RGS6: variants seen among roughly 807,000 people sequenced by gnomAD.
RGS6 encodes the protein regulator of G-protein signaling 6.
In RGS6, 30 loss-of-function variants were observed where a neutral mutation model predicts 78.5. The observed-to-expected ratio is 0.38, with a 90% CI of 0.29 to 0.52. The LOEUF (loss-of-function observed/expected upper bound fraction) is 0.52. Among genes scored for constraint, RGS6 ranks in the 20% least tolerant of loss-of-function variants. The probability of loss-of-function intolerance (pLI) is 0.85; values close to 1 mark genes in which losing one functional copy is unlikely to be tolerated. For missense variants in RGS6, 495 were observed against 609.7 expected (o/e 0.81, Z 1.98); for synonymous variants, 206 against 206.0 (o/e 1.00, Z 0.00).
chr14:72,471,110 T>C (rs1025780583), intron 8 of RGS6, among the ~76,000 whole-genome samples: 1 of 151,856 alleles, frequency 6.6e-6, no homozygotes, highest in African/African-American at 2.4e-5. Context: ...AGGGAGAGTC[T>C]GAACTTCTTC....
intron 2 of RGS6, among the ~76,000 whole-genome samples, chr14:72,025,623 C>A (rs918392708): frequency 1.3e-5 from 2 of 152,102 alleles, no homozygotes; most frequent in Non-Finnish European, 2.9e-5. Flanking sequence ...CAAGTCTGAT[C>A]ATCCTCTTTT....
At chr14:72,356,565 A>G (rs942879250) in intron 3 of RGS6, among the ~76,000 whole-genome samples, 2 of 152,184 alleles carry the variant, frequency 1.3e-5, no homozygotes, top group Non-Finnish European at 2.9e-5. Context: ...GGTAGATGAT[A>G]TGGTTTGGCC....
intron 2 of RGS6, among the ~76,000 whole-genome samples, chr14:72,229,383 C>T (rs919322504): frequency 2.6e-5 from 4 of 151,548 alleles, no homozygotes; most frequent in Non-Finnish European, 5.9e-5. Flanking sequence ...GGGAAAATCA[C>T]GTCTCTGGTG....
At chr14:71,876,695 TG>T in the RGS6 span, among the ~76,000 whole-genome samples, 6 of 152,120 alleles carry the variant, frequency 3.9e-5, no homozygotes, top group African/African-American at 1.2e-4. Flanking sequence ...AATATTGTTA[TG>T]TGTGAATTTG....
downstream of RGS6, among the ~76,000 whole-genome samples, chr14:72,569,190 G>T (rs536954435): frequency 6.6e-6 from 1 of 151,760 alleles, no homozygotes; most frequent in Admixed American, 6.6e-5. Flanking sequence ...AAAATTCACC[G>T]TTTTATATTA....
chr14:72,195,058 A>G (rs892657167), intron 2 of RGS6, among the ~76,000 whole-genome samples: 3 of 152,110 alleles, frequency 2.0e-5, no homozygotes, highest in Admixed American at 6.6e-5. Context: ...AAATACAAAA[A>G]TTAGCTAGGT....
At chr14:71,872,887 C>T in the RGS6 span, among the ~76,000 whole-genome samples, 35 of 152,228 alleles carry the variant, frequency 2.3e-4, no homozygotes, top group South Asian at 1.2e-3. Flanking sequence ...TGAGAACATG[C>T]GGTGTTTGGT....
At chr14:72,529,517 G>C (rs78854526) in intron 15 of RGS6, among the ~76,000 whole-genome samples, 3,217 of 152,164 alleles carry the variant, frequency 0.021, 108 homozygotes, top group African/African-American at 0.072. Context: ...AGATGAGAGT[G>C]GTGTCCAAAC....
chr14:72,070,632 C>T (rs2094374365), intron 2 of RGS6, among the ~76,000 whole-genome samples: 1 of 152,188 alleles, frequency 6.6e-6, no homozygotes, highest in Admixed American at 6.5e-5. Context: ...ACCCTGAATC[C>T]TGTGGGCAGG....
At chr14:72,330,479 T>G (rs1485966003) in intron 2 of RGS6, among the ~76,000 whole-genome samples, 1 of 152,156 alleles carries the variant, frequency 6.6e-6, no homozygotes, top group Non-Finnish European at 1.5e-5. Context: ...AATTGGAGAC[T>G]CAAGGAGGCC....
the RGS6 span, among the ~76,000 whole-genome samples, chr14:72,627,749 C>T: frequency 6.6e-6 from 1 of 152,192 alleles, no homozygotes; most frequent in African/African-American, 2.4e-5. Flanking sequence ...GAAGAACTGA[C>T]ATCTTTATAA....
chr14:71,930,070 C>T (rs1040473815), upstream of RGS6, among the ~76,000 whole-genome samples: 3 of 152,338 alleles, frequency 2.0e-5, no homozygotes, highest in Admixed American at 6.5e-5. Context: ...TAGGTGTGTT[C>T]ATTGCTACTG....
At chr14:72,526,778 A>T (rs1448209128) in intron 15 of RGS6, among the ~76,000 whole-genome samples, 3 of 152,228 alleles carry the variant, frequency 2.0e-5, no homozygotes, top group Non-Finnish European at 4.4e-5. Context: ...ACTTATGTGG[A>T]TGTCCATATT....
chr14:72,414,838 G>T (rs956085798), intron 3 of RGS6, among the ~76,000 whole-genome samples: 1 of 152,182 alleles, frequency 6.6e-6, no homozygotes, highest in Non-Finnish European at 1.5e-5. Flanking sequence ...GTTTACCTGC[G>T]TATCAGCAGT....
At chr14:72,280,263 G>A (rs1019468671) in intron 2 of RGS6, among the ~76,000 whole-genome samples, 8 of 152,090 alleles carry the variant, frequency 5.3e-5, no homozygotes, top group African/African-American at 1.7e-4. Flanking sequence ...CAGAAAAAGT[G>A]AATAGGTTTT....
At chr14:71,892,924 A>G in the RGS6 span, among the ~76,000 whole-genome samples, 15 of 152,228 alleles carry the variant, frequency 9.9e-5, no homozygotes, top group African/African-American at 3.6e-4. Flanking sequence ...CATGTGCTCT[A>G]TATGTAGATG....
intron 12 of RGS6, among the ~76,000 whole-genome samples, chr14:72,480,848 G>A (rs569377404): frequency 3.9e-5 from 6 of 152,236 alleles, no homozygotes; most frequent in Non-Finnish European, 8.8e-5. Context: ...CCAGGAAACC[G>A]CATCCCCCAG....
intron 3 of RGS6, among the ~76,000 whole-genome samples, chr14:72,438,498 C>G (rs2095043928): frequency 6.6e-6 from 1 of 152,178 alleles, no homozygotes; most frequent in African/African-American, 2.4e-5. Context: ...GGTGTCCTCC[C>G]CATCCTGTTT....
chr14:72,297,427 TTA>T (rs926030068), intron 2 of RGS6, among the ~76,000 whole-genome samples: 41 of 140,092 alleles, frequency 2.9e-4, no homozygotes, highest in African/African-American at 1.0e-3. Flanking sequence ...ATTATTATTA[TTA>T]TTTTTTTTTT....
Sources: gnomAD v4.1 joint callset for allele counts (sites outside exome capture counted in the v4.1 genomes callset) on GRCh38, gnomAD v4.1.1 for gene constraint, MANE v1.5 for transcripts, NCBI Gene and HGNC (gene_info 2026-07-23, HGNC 2026-07-21) for gene names.